EML3: variants seen among roughly 807,000 people sequenced by gnomAD.
EML3 encodes EMAP like 3.
EML3 carries 53 observed loss-of-function variants against 106.7 expected under a neutral mutation model. The ratio of observed to expected loss-of-function variants is 0.50; its 90% CI spans 0.40 to 0.62. EML3 has a LOEUF of 0.62. Ranked by LOEUF, EML3 falls within the 20% of genes least tolerant of loss-of-function variation. The pLI is 0.00. For missense variants in EML3, 994 were observed against 1,209.1 expected, an observed-to-expected ratio of 0.82 and a Z score of 2.64; for synonymous variants, 499 against 489.6, an observed-to-expected ratio of 1.02 and a Z score of -0.25.
chr11:62,605,770 G>A lies in EML3; in HGVS notation c.1786C>T (p.His596Tyr). The change falls in exon 15 of 22, where the codon CAC becomes TAC. Residue 596 changes from histidine (H) to tyrosine (Y), a missense_variant. This residue lies in a region of EML3 where 713 missense variants were observed against 920.5 expected (regional missense o/e 0.77). Coordinates refer to ENST00000394773, the MANE Select transcript of EML3 (RefSeq NM_153265.3). This position sits in a 1 kb window ranked among gnomAD's most constrained non-coding sequence, Gnocchi z 5.2. ...CAGAGCCCCCAGAGCTCATCAGTGT[G>A]GCCCTGCAGCACAGCATGACTGTCA... is the stretch of plus-strand genomic sequence containing the variant. The part of the protein sequence containing the change: ...AQGFSPVIQG[H>Y]TDELWGLCTH... 6.3e-7 allele frequency: 1 copy of A among 1,596,786 alleles called. No individual in the cohort carries two copies. Among genetic ancestry groups the A allele is most frequent in the Non-Finnish European group, 8.5e-7 (1 of 1,169,776 alleles).
Position 62,605,439 on chromosome 11 carries a change from C to T in EML3, c.1914+203G>A, listed in dbSNP as rs946768438. 2.6e-5 allele frequency among the ~76,000 whole-genome samples: 4 copies of T among 152,092 alleles called. No individual in the cohort carries two copies. The highest frequency in any genetic ancestry group is 1.9e-4 in the East Asian group (1 of 5,190). On this transcript the variant is annotated intron_variant, in intron 15 of 21. Coordinates refer to ENST00000394773, the MANE Select transcript of EML3 (RefSeq NM_153265.3). The surrounding 1 kb of genome is among the most constrained non-coding windows in gnomAD (Gnocchi z 5.2). Reference sequence around the variant, plus strand: ...GAGGAAGTCTGAGGGGTTCTGGGGGCGGCAGGGAGTGCCCAGGTGGTACTA... The same window carrying T: ...GAGGAAGTCTGAGGGGTTCTGGGGGTGGCAGGGAGTGCCCAGGTGGTACTA...
At chr11:62,612,414 G>GCCCGC (rs1009181763) in intron 1 of EML3, 22 bp downstream of exon 1, 18 of 1,498,388 alleles carry the variant, frequency 1.2e-5, no homozygotes, top group East Asian at 1.1e-4. Context: ...GGGGCACGCC[G>GCCCGC]CCCGCCCCGC....
At chr11:62,604,341 G>A (rs1323998427) in intron 16 of EML3, 140 bp from the exon 17 acceptor site, 4 of 664,448 alleles carry the variant, frequency 6.0e-6, no homozygotes, top group Non-Finnish European at 1.1e-5. Flanking sequence ...CTCTGATGTA[G>A]AAGACAGGTC....
At chr11:62,609,874 TAAG>T (rs1942726219) in intron 4 of EML3, among the ~76,000 whole-genome samples, 178 bp from the exon 5 acceptor site, 1 of 152,122 alleles carries the variant, frequency 6.6e-6, no homozygotes, top group African/African-American at 2.4e-5. Context: ...ATTTAAGAGA[TAAG>T]AAGATTGAGG....
chr11:62,603,813 G>T lies in EML3; in HGVS notation c.2173C>A (p.His725Asn). 6.2e-7 allele frequency: 1 copy of T among 1,614,108 alleles called. No homozygotes were observed. Among genetic ancestry groups the T allele is most frequent in the South Asian group, 1.1e-5 (1 of 91,064 alleles). ...TCAAGATGAGTGATGAAGCTGGAGTGACCCTGGGAGCAAAGGTCAAGAGTT... is the reference window on the plus strand; with the variant it reads ...TCAAGATGAGTGATGAAGCTGGAGTTACCCTGGGAGCAAAGGTCAAGAGTT... ...KSSRFGRCMGHSSFITHLDWS... is the reference protein window; with the variant it reads ...KSSRFGRCMGNSSFITHLDWS... Residue 725 changes from histidine to asparagine, a missense_variant, in exon 19 of 22, where the codon CAC becomes AAC. Physicochemically the swap from His to Asn is moderately conservative, Grantham distance 68 (BLOSUM62 1). This residue lies in a region of EML3 where 713 missense variants were observed against 920.5 expected (regional missense o/e 0.77). Transcript: ENST00000394773.
At chr11:62,608,859 C>T (rs1473423425) in intron 7 of EML3, 54 bp from the exon 8 acceptor site, 7 of 1,571,920 alleles carry the variant, frequency 4.5e-6, no homozygotes, top group Non-Finnish European at 6.0e-6. Flanking sequence ...CCATCCAAGA[C>T]ACCTTCTCCA....
rs1344268781 is a variant in EML3 at position 62,611,109 on chromosome 11, G to A, written c.430C>T (p.Gln144Ter). The change falls in exon 3 of 22, where the codon CAG (glutamine) becomes TAG (stop). Residue 144 changes from glutamine to a stop codon, truncating the protein, a stop_gained. Transcript: ENST00000394773. LOFTEE classifies it high-confidence loss of function. ...TACGTGTCAGCACGCTGTGGGGGCT[G>A]CAAGGGCCTGAGGATCCCCGGGGGG... The part of the protein sequence containing the change: ...PGPPGILRPL[Q>*]PPQRADTPRR... 1.3e-6 allele frequency: 2 copies of A among 1,596,476 alleles called. No individual in the cohort carries two copies. The highest frequency in any genetic ancestry group is 1.7e-6 in the Non-Finnish European group (2 of 1,177,094).
chr11:62,611,788 G>T, intron 1 of EML3, 192 bp from the exon 2 acceptor site: 1 of 641,720 alleles, frequency 1.6e-6, no homozygotes, highest in South Asian at 2.1e-5. Context: ...CAGGGCAGGC[G>T]AGAAACCTGG....
chr11:62,611,662 G>C (rs1942836326), intron 1 of EML3, 66 bp from the exon 2 acceptor site: 3 of 1,513,152 alleles, frequency 2.0e-6, no homozygotes, highest in South Asian at 1.3e-5. Context: ...AGGGGATTCT[G>C]TCTCCCCACA....
chr11:62,608,949 C>T lies in EML3; in HGVS notation c.929+13G>A. ...CCTCTTCCTGCCAAGCCCACCAGCCCCGGACTCCTCACCATCGAACGCAGT... is the reference window on the plus strand; with the variant it reads ...CCTCTTCCTGCCAAGCCCACCAGCCTCGGACTCCTCACCATCGAACGCAGT... On this transcript the variant is annotated intron_variant, in intron 7 of 21. Coordinates refer to ENST00000394773, the MANE Select transcript of EML3 (RefSeq NM_153265.3). The T allele has an allele frequency of 1.2e-6, 2 of 1,612,832 alleles. No homozygotes were observed. Among genetic ancestry groups the T allele is most frequent in the Non-Finnish European group, 1.7e-6 (2 of 1,179,246 alleles).
At chr11:62,608,427 G>A in intron 9 of EML3, 115 bp downstream of exon 9, 1 of 1,355,270 alleles carries the variant, frequency 7.4e-7, no homozygotes, top group Non-Finnish European at 1.0e-6. Context: ...CCTTTCTCAA[G>A]AGAACCAGCT....
chr11:62,606,532 C>A, intron 12 of EML3: 1 of 397,200 alleles, frequency 2.5e-6, no homozygotes, highest in Non-Finnish European at 4.6e-6. Context: ...AGACTAGCCC[C>A]CAAGAGAACT....
At chr11:62,608,496 G>A in intron 9 of EML3, 46 bp downstream of exon 9, 5 of 1,571,250 alleles carry the variant, frequency 3.2e-6, no homozygotes, top group Non-Finnish European at 3.5e-6. Context: ...CAAGAGTGGG[G>A]TTCCTAGGCA....
At chr11:62,611,648 G>T (rs376291367) in intron 1 of EML3, 52 bp from the exon 2 acceptor site, 12 of 1,553,682 alleles carry the variant, frequency 7.7e-6, no homozygotes, top group African/African-American at 1.4e-5. Context: ...TGAAGAAAGC[G>T]TAGAGGGGAT....
intron 19 of EML3, 94 bp downstream of exon 19, chr11:62,603,635 C>A: frequency 1.9e-6 from 2 of 1,078,810 alleles, no homozygotes; most frequent in Non-Finnish European, 2.8e-6. Context: ...AACCCCATCT[C>A]CACTTCCTTA....
intron 19 of EML3, 69 bp downstream of exon 19, chr11:62,603,660 T>C (rs1942362926): frequency 7.4e-7 from 1 of 1,350,984 alleles, no homozygotes. Flanking sequence ...ACAACACCTC[T>C]AACAGCCCCC....
rs769170295 is a variant in EML3, at chr11:62,608,259, T to C, written c.1148A>G (p.Asn383Ser). 2.0e-5 allele frequency: 33 copies of C among 1,613,834 alleles called. No individual in the cohort carries two copies. Among genetic ancestry groups the C allele is most frequent in the Non-Finnish European group, 2.6e-5 (31 of 1,179,972 alleles). The change falls in exon 10 of 22, where the codon AAT becomes AGT. Residue 383 changes from asparagine (N) to serine (S), a missense_variant. This residue lies in a region of EML3 where 713 missense variants were observed against 920.5 expected (regional missense o/e 0.77). Coordinates refer to ENST00000394773, the MANE Select transcript of EML3 (RefSeq NM_153265.3). ...GAFLCVVDDS[N>S]EHMLSVWDCS... ...GTCCCACACCGACAGCATGTGCTCATTGGAATCATCCACCACACAAAGAAA... is the reference window on the plus strand; with the variant it reads ...GTCCCACACCGACAGCATGTGCTCACTGGAATCATCCACCACACAAAGAAA...
Position 62,612,443 on chromosome 11 carries a change from C to T in EML3, c.15G>A (p.Ala5=), listed in dbSNP as rs1027380144. Residue 5 remains alanine, a synonymous_variant, in exon 1 of 22, where the codon GCG becomes GCA. Coordinates refer to ENST00000394773, the MANE Select transcript of EML3 (RefSeq NM_153265.3). MDGA[A]GPGDGPAREA... Reference sequence around the variant, plus strand: ...GCCCCGCCCCGTACTCACCGGGCCCCGCGGCCCCGTCCATCCGGCCCCCGG... The same window carrying T: ...GCCCCGCCCCGTACTCACCGGGCCCTGCGGCCCCGTCCATCCGGCCCCCGG... 2.7e-6 allele frequency: 4 copies of T among 1,468,446 alleles called. No homozygotes were observed. In the African/African-American group the frequency reaches 5.9e-5, roughly 22 times the overall value. The allele number at this position is 1,468,446 out of a possible 1,614,324, so 91.0% of individuals were successfully genotyped here. A position where few individuals can be genotyped will look rare whatever the true frequency, so the allele number is the denominator to read the frequency against.
chr11:62,610,990 G>C lies in EML3; in HGVS notation c.455C>G (p.Pro152Arg). Residue 152 changes from proline (P) to arginine (R), a missense_variant and splice_region_variant, in exon 4 of 22, where the codon CCG becomes CGG. By Grantham distance (103) the Pro-to-Arg change is moderately radical (BLOSUM62 -2). Around this residue, in one of 3 missense-constraint regions of EML3, gnomAD observed 269 missense variants for 265.1 expected, o/e 1.01. Coordinates refer to ENST00000394773, the MANE Select transcript of EML3 (RefSeq NM_153265.3). ...PLQPPQRADTPRRNSSSSSSP... is the reference protein window; with the variant it reads ...PLQPPQRADTRRRNSSSSSSP... ...TGAGGAGGAGGAAGAATTTCTTCGC[G>C]GCCTGGTGGGGGCATAGTGAAGGTC... 6.2e-7 allele frequency: 1 copy of C among 1,613,018 alleles called. No individual in the cohort carries two copies. Among genetic ancestry groups the C allele is most frequent in the Non-Finnish European group, 8.5e-7 (1 of 1,179,826 alleles).
Sources: allele counts gnomAD v4.1 joint callset (sites outside exome capture counted in the v4.1 genomes callset), GRCh38; gene constraint gnomAD v4.1.1; regional missense constraint gnomAD v4.1.1; non-coding constraint Gnocchi (gnomAD v3.1); transcripts MANE v1.5; gene names NCBI Gene and HGNC (gene_info 2026-07-23, HGNC 2026-07-21).